ARHGAP6: variants seen among roughly 807,000 people sequenced by gnomAD.
The protein encoded by ARHGAP6 is rho GTPase-activating protein 6.
In ARHGAP6, 16 loss-of-function variants were observed where a neutral mutation model predicts 55.7. The observed-to-expected ratio is 0.29, with a 90% confidence interval of 0.19 to 0.44. ARHGAP6 has a LOEUF of 0.44. Among genes scored for constraint, ARHGAP6 ranks in the 20% least tolerant of loss-of-function variants. The pLI, the probability that ARHGAP6 is intolerant of heterozygous loss-of-function variation, is 1.00. For synonymous variants in ARHGAP6, 382 were observed against 360.9 expected (o/e 1.06, Z -0.66); for missense variants, 698 against 808.9 (o/e 0.86, Z 1.66).
intron 2 of ARHGAP6, among the ~76,000 whole-genome samples, chrX:11,243,887 G>A (rs1212457004): frequency 1.8e-5 from 2 of 112,299 alleles, no homozygotes; most frequent in Non-Finnish European, 3.8e-5. Flanking sequence ...CCTAGGAGCA[G>A]TAGGCTCTAC....
At chrX:11,616,909 A>G (rs1409186996) in intron 1 of ARHGAP6, among the ~76,000 whole-genome samples, 1 of 111,870 alleles carries the variant, frequency 8.9e-6, no homozygotes, top group Non-Finnish European at 1.9e-5. Context: ...CAATACTGCC[A>G]GTGTTGAGAA....
At chrX:11,522,010 T>C (rs2050934531) in intron 1 of ARHGAP6, among the ~76,000 whole-genome samples, 1 of 111,705 alleles carries the variant, frequency 9.0e-6, no homozygotes, top group African/African-American at 3.3e-5. Context: ...GTCGATTTTG[T>C]ATCCTGAGAC....
chrX:11,379,287 A>G (rs760002261), intron 1 of ARHGAP6, among the ~76,000 whole-genome samples: 1 of 112,366 alleles, frequency 8.9e-6, no homozygotes, highest in East Asian at 2.8e-4. Context: ...GGCCAAAGCC[A>G]GTCAAAAGGC....
At chrX:11,190,322 G>A (rs1212171938) in intron 3 of ARHGAP6, among the ~76,000 whole-genome samples, 1 of 110,151 alleles carries the variant, frequency 9.1e-6, no homozygotes, top group Non-Finnish European at 1.9e-5. Context: ...AAATAATTAG[G>A]TACTTCTCCT....
chrX:11,493,013 TG>T lies in ARHGAP6; in HGVS notation c.588+171227del, dbSNP rs760095068. ...GAAGATGGCAAAGCCAGTGTCATCTTGGGTCCCCAGCTGACTGCCTGGAGCA... is the reference window on the plus strand; with the variant it reads ...GAAGATGGCAAAGCCAGTGTCATCTTGGTCCCCAGCTGACTGCCTGGAGCA... On this transcript the variant is annotated intron_variant, in intron 1 of 12. Transcript: ENST00000337414. 2.3e-3 allele frequency among the ~76,000 whole-genome samples: 253 copies of T among 112,133 alleles called. 1 individual carries two copies. The highest frequency in any genetic ancestry group is 0.018 in the Middle Eastern group (4 of 217).
chrX:11,533,103 A>G (rs2051068807), intron 1 of ARHGAP6, among the ~76,000 whole-genome samples: 1 of 111,917 alleles, frequency 8.9e-6, no homozygotes, highest in African/African-American at 3.3e-5. Flanking sequence ...CTGAATAAAG[A>G]AGATGAGAAT....
At chrX:11,532,485 G>C (rs1294226589) in intron 1 of ARHGAP6, among the ~76,000 whole-genome samples, 1 of 112,449 alleles carries the variant, frequency 8.9e-6, no homozygotes, top group African/African-American at 3.2e-5. Flanking sequence ...GTGCTTGACT[G>C]ATTACAGGCT....
chrX:11,543,645 CT>C (rs1447698606), intron 1 of ARHGAP6, among the ~76,000 whole-genome samples: 1 of 112,145 alleles, frequency 8.9e-6, no homozygotes, highest in Non-Finnish European at 1.9e-5. Context: ...TTATCCTCCC[CT>C]CTTGGTTGCT....
At chrX:11,325,106 C>A (rs1254309401) in intron 1 of ARHGAP6, among the ~76,000 whole-genome samples, 1 of 112,227 alleles carries the variant, frequency 8.9e-6, no homozygotes, top group African/African-American at 3.2e-5. Context: ...GATCCACCCG[C>A]CTCGGCCTCC....
intron 1 of ARHGAP6, among the ~76,000 whole-genome samples, chrX:11,307,872 GT>G (rs766386835): frequency 1.3e-4 from 14 of 111,978 alleles, no homozygotes; most frequent in Non-Finnish European, 2.1e-4. Flanking sequence ...TGATTTGATA[GT>G]TGCTATTACT....
intron 1 of ARHGAP6, among the ~76,000 whole-genome samples, chrX:11,420,583 C>T (rs1292656976): frequency 2.7e-5 from 3 of 111,420 alleles, no homozygotes; most frequent in Admixed American, 9.6e-5. Context: ...CGCCTGCCAC[C>T]CTGGGCTGCT....
chrX:11,149,751 G>T (rs769062178), intron 10 of ARHGAP6, among the ~76,000 whole-genome samples: 4 of 112,153 alleles, frequency 3.6e-5, no homozygotes, highest in Non-Finnish European at 7.5e-5. Context: ...AGTTAAATGT[G>T]ATACCTTTAA....
intron 1 of ARHGAP6, among the ~76,000 whole-genome samples, chrX:11,628,984 CGTGT>C (rs55999982): frequency 0.12 from 12,210 of 101,107 alleles, 743 homozygotes; most frequent in East Asian, 0.22. Flanking sequence ...GCTTCAGATA[CGTGT>C]GTGTGTGTGT....
In ARHGAP6 at chrX:11,340,565, T is replaced by TA. The variant is rs1401992110; in HGVS notation, c.589-85859dup. Among the ~76,000 whole-genome samples the TA allele has an allele frequency of 3.6e-5, 4 of 109,933 alleles. No individual in the cohort carries two copies. The East Asian group carries it at 8.5e-4, about 23-fold the overall frequency. ...TAACACGGTGAAACCCCGTCTCTAC[T>TA]AAAAATATAAAAAATTAGCCGGGCG... is the stretch of plus-strand genomic sequence containing the variant. On this transcript the variant is annotated intron_variant, in intron 1 of 12. Coordinates refer to ENST00000337414, the MANE Select transcript of ARHGAP6 (RefSeq NM_013427.3).
At chrX:11,475,577 AC>A (rs2050395164) in intron 1 of ARHGAP6, among the ~76,000 whole-genome samples, 1 of 109,395 alleles carries the variant, frequency 9.1e-6, no homozygotes, top group African/African-American at 3.3e-5. Context: ...ACACACACAC[AC>A]ACACACACAC....
chrX:11,552,401 C>T (rs776942769), intron 1 of ARHGAP6, among the ~76,000 whole-genome samples: 1 of 104,762 alleles, frequency 9.5e-6, no homozygotes, highest in South Asian at 4.4e-4. Flanking sequence ...CCATATAATC[C>T]AGCAATCCCA....
intron 1 of ARHGAP6, among the ~76,000 whole-genome samples, chrX:11,484,783 G>A (rs2050495047): frequency 9.0e-6 from 1 of 111,697 alleles, no homozygotes; most frequent in South Asian, 3.8e-4. Flanking sequence ...TTAGCATTTA[G>A]TTTGCAATAT....
At chrX:11,239,811 A>G (rs573776637) in intron 2 of ARHGAP6, among the ~76,000 whole-genome samples, 3 of 112,235 alleles carry the variant, frequency 2.7e-5, no homozygotes, top group Middle Eastern at 4.6e-3. Context: ...TTACATATAT[A>G]TGTACATATA....
chrX:11,378,267 C>T (rs1437789965), intron 1 of ARHGAP6, among the ~76,000 whole-genome samples: 1 of 112,406 alleles, frequency 8.9e-6, no homozygotes, highest in Non-Finnish European at 1.9e-5. Context: ...CAATTTCAAG[C>T]ATGCAATTCA....
Sources: allele counts gnomAD v4.1 joint callset (sites outside exome capture counted in the v4.1 genomes callset), GRCh38; gene constraint gnomAD v4.1.1; transcripts MANE v1.5; gene names NCBI Gene and HGNC (gene_info 2026-07-23, HGNC 2026-07-21).